Variants in PUDP observed in about 807,000 individuals in gnomAD.
PUDP encodes the protein pseudouridine 5'-phosphatase, also known as pseudouridine-5'-phosphatase.
Under a neutral mutation model 9.4 loss-of-function variants are expected in PUDP, and 8 were observed. The ratio of observed to expected loss-of-function variants is 0.85; its 90% CI spans 0.50 to 1.53. The LOEUF is 1.53. Ranked by LOEUF, PUDP falls within the 40% of genes most tolerant of loss-of-function variation. PUDP has a pLI of 0.00. For missense variants in PUDP, 188 were observed against 189.7 expected (o/e 0.99, Z 0.05); for synonymous variants, 99 against 80.7 (o/e 1.23, Z -1.22).
chrX:6,776,055 G>T (rs1418473002), intron 3 of PUDP, among the ~76,000 whole-genome samples: 1 of 111,973 alleles, frequency 8.9e-6, no homozygotes, highest in Non-Finnish European at 1.9e-5. Flanking sequence ...CATTCTCACT[G>T]GAGAACGTCA....
intron 1 of PUDP, among the ~76,000 whole-genome samples, chrX:6,986,994 C>T (rs774821073): frequency 5.4e-5 from 6 of 111,818 alleles, no homozygotes; most frequent in Non-Finnish European, 9.4e-5. Flanking sequence ...TGCCAAGACC[C>T]ACCCCATTTC....
At chrX:7,083,903 C>CAAAAAAAAAAAGAAGGA (rs1931186386) in intron 2 of PUDP, among the ~76,000 whole-genome samples, 1 of 91,579 alleles carries the variant, frequency 1.1e-5, no homozygotes, top group Admixed American at 1.2e-4. Flanking sequence ...ACAACAACAA[C>CAAAAAAAAAAAGAAGGA]AAAAAAAAAA....
At chrX:6,866,171 G>A (rs1406848506) in intron 3 of PUDP, among the ~76,000 whole-genome samples, 1 of 108,249 alleles carries the variant, frequency 9.2e-6, no homozygotes, top group African/African-American at 3.4e-5. Context: ...TGATCCCCTT[G>A]TCTCAGCTTC....
chrX:6,807,196 C>G (rs1926064680), intron 3 of PUDP, among the ~76,000 whole-genome samples: 1 of 112,163 alleles, frequency 8.9e-6, no homozygotes, highest in African/African-American at 3.2e-5. Flanking sequence ...TGCTTTCATT[C>G]CTTTTGCTGC....
intron 3 of PUDP, among the ~76,000 whole-genome samples, chrX:6,881,682 A>AT (rs1459184455): frequency 9.0e-6 from 1 of 111,386 alleles, no homozygotes; most frequent in African/African-American, 3.3e-5. Context: ...GCTTAAGAGA[A>AT]TTTGCTGGTG....
At chrX:7,090,979 T>C (rs1470176390) in intron 2 of PUDP, among the ~76,000 whole-genome samples, 1 of 112,321 alleles carries the variant, frequency 8.9e-6, no homozygotes, top group Non-Finnish European at 1.9e-5. Context: ...ATGCATTCTT[T>C]TGTATTATGT....
At chrX:7,142,444 T>C (rs1171356803) in intron 1 of PUDP, among the ~76,000 whole-genome samples, 2 of 111,718 alleles carry the variant, frequency 1.8e-5, no homozygotes, top group African/African-American at 6.5e-5. Flanking sequence ...TTGACTGAGT[T>C]GCTGCAATCT....
intron 3 of PUDP, among the ~76,000 whole-genome samples, chrX:6,879,435 TACAC>T (rs753425131): frequency 0.031 from 3,205 of 101,981 alleles, 133 homozygotes; most frequent in African/African-American, 0.1. Flanking sequence ...ACAGCACAAT[TACAC>T]ACACACACAC....
Position 7,050,374 on chromosome X carries a change from C to G in PUDP, c.609G>C (p.Leu203=), listed in dbSNP as rs1253623255. Residue 203 remains leucine, a synonymous_variant, in exon 4 of 4, where the codon CTG becomes CTC. Coordinates refer to ENST00000381077, the MANE Select transcript of PUDP (RefSeq NM_012080.5). ...TCAGCACCAGGGTGGCCTTTGTTGT[C>G]AGATCTCGGCTCAAGTTTCCGTCAG... is the stretch of plus-strand genomic sequence containing the variant. ...MVPDGNLSRD[L]TTKATLVLNS... The G allele has an allele frequency of 8.3e-7, 1 of 1,211,105 alleles. No individual in the cohort carries two copies. The highest frequency in any genetic ancestry group is 1.1e-6 in the Non-Finnish European group (1 of 895,096).
At chrX:7,127,508 GA>G (rs745547285) in intron 1 of PUDP, among the ~76,000 whole-genome samples, 1 of 112,266 alleles carries the variant, frequency 8.9e-6, no homozygotes, top group Admixed American at 9.5e-5. Context: ...GAGTTAGGTG[GA>G]AAGATATTTA....
At chrX:7,085,916 T>C (rs1931249457) in intron 2 of PUDP, among the ~76,000 whole-genome samples, 1 of 111,657 alleles carries the variant, frequency 9.0e-6, no homozygotes, top group Admixed American at 9.5e-5. Context: ...AGTACTTGCC[T>C]ACGAAAACTC....
At chrX:6,816,067 A>G (rs989596307) in intron 3 of PUDP, among the ~76,000 whole-genome samples, 1 of 107,078 alleles carries the variant, frequency 9.3e-6, no homozygotes. Context: ...TACTACATAT[A>G]CACTATGCAT....
Position 6,775,522 on chromosome X carries a change from C to CACAT in PUDP, c.*248-69057_*248-69056insATGT, listed in dbSNP as rs780221486. ...ACACACATACACACACACACACACA[C>CACAT]ACACATATATGTATATAAAATATGC... is the stretch of plus-strand genomic sequence containing the variant. On this transcript the variant is annotated intron_variant and NMD_transcript_variant, in intron 3 of 3. Transcript: ENST00000655425. Among the ~76,000 whole-genome samples, 19 of 111,125 alleles carry CACAT rather than the reference C, an allele frequency of 1.7e-4. No individual in the cohort carries two copies. The East Asian group carries it at 5.4e-3, about 32-fold the overall frequency.
intron 1 of PUDP, among the ~76,000 whole-genome samples, chrX:7,036,748 C>G (rs1210714880): frequency 9.0e-6 from 1 of 111,188 alleles, no homozygotes; most frequent in Non-Finnish European, 1.9e-5. Context: ...CGTTTTTATT[C>G]TCATTTGTTT....
At chrX:6,939,414 C>G (rs1602682272) in intron 3 of PUDP, among the ~76,000 whole-genome samples, 1 of 105,958 alleles carries the variant, frequency 9.4e-6, no homozygotes, top group Non-Finnish European at 1.9e-5. Context: ...TCTATTTAAT[C>G]TATAATAGAT....
intron 3 of PUDP, among the ~76,000 whole-genome samples, chrX:6,951,283 TATCC>T (rs747575376): frequency 3.7e-5 from 4 of 108,315 alleles, no homozygotes; most frequent in Admixed American, 9.9e-5. Flanking sequence ...CTAATCTATC[TATCC>T]ATCCATCCAT....
chrX:7,057,913 G>A (rs989365845), intron 3 of PUDP: 43 of 591,262 alleles, frequency 7.3e-5, no homozygotes, highest in Non-Finnish European at 1.0e-4. Context: ...AAGGGCCCGC[G>A]GCTTGTGATG....
At chrX:6,902,758 A>C (rs1927709453) in intron 3 of PUDP, among the ~76,000 whole-genome samples, 1 of 111,500 alleles carries the variant, frequency 9.0e-6, no homozygotes, top group Non-Finnish European at 1.9e-5. Flanking sequence ...GGTGAGAGAG[A>C]GTTCCAGGGG....
intron 1 of PUDP, chrX:6,989,374 G>A: frequency 7.0e-6 from 1 of 142,163 alleles, no homozygotes; most frequent in Non-Finnish European, 1.5e-5. Context: ...TCTCAACATT[G>A]AACCATTGGA....
Sources: allele counts gnomAD v4.1 joint callset (sites outside exome capture counted in the v4.1 genomes callset), GRCh38; gene constraint gnomAD v4.1.1; transcripts MANE v1.5; gene names NCBI Gene and HGNC (gene_info 2026-07-23, HGNC 2026-07-21).